Variants in WWTR1 observed in about 807,000 individuals in gnomAD.
WWTR1 encodes WW domain containing transcription regulator 1.
In WWTR1, 13 loss-of-function variants were observed where a neutral mutation model predicts 40.1. The observed-to-expected ratio is 0.32, with a 90% CI of 0.21 to 0.52. The LOEUF is 0.52. Among genes scored for constraint, WWTR1 ranks in the 20% least tolerant of loss-of-function variants. The pLI, the probability that WWTR1 is intolerant of heterozygous loss-of-function variation, is 0.97. For missense variants in WWTR1, 436 were observed against 523.1 expected (o/e 0.83, Z 1.63); for synonymous variants, 230 against 210.1 (o/e 1.09, Z -0.82).
intron 1 of WWTR1, among the ~76,000 whole-genome samples, chr3:149,676,624 T>A (rs1248726144): frequency 1.3e-5 from 2 of 152,148 alleles, no homozygotes; most frequent in East Asian, 1.9e-4. Flanking sequence ...AGATTTATGA[T>A]GAGAAAAACA....
intron 1 of WWTR1, among the ~76,000 whole-genome samples, chr3:149,687,771 A>G (rs1219870747): frequency 2.6e-5 from 4 of 152,116 alleles, no homozygotes; most frequent in African/African-American, 9.7e-5. Context: ...CAGCTCAGCC[A>G]TGGTAAAATA....
chr3:149,680,563 AAC>A lies in WWTR1; in HGVS notation c.-107-10674_-107-10673del, dbSNP rs1559839362. Among the ~76,000 whole-genome samples, 3 of 134,728 alleles carry A rather than the reference AAC, an allele frequency of 2.2e-5. No homozygotes were observed. The East Asian group carries it at 6.6e-4, about 30-fold the overall frequency. 88.4% of individuals were successfully genotyped at this position (134,728 alleles called of 152,430 possible). A position where few individuals can be genotyped will look rare whatever the true frequency, so the allele number is the denominator to read the frequency against. ...TGTCTCAAAAAAAACCAACCAACCA[AAC>A]AAACAAACAAACAAAAAAACGTATT... On this transcript the variant is annotated intron_variant, in intron 1 of 7. Coordinates refer to the WWTR1 transcript ENST00000465804.
At chr3:149,595,445 A>T (rs943228611) in intron 2 of WWTR1, among the ~76,000 whole-genome samples, 1 of 152,110 alleles carries the variant, frequency 6.6e-6, no homozygotes, top group African/African-American at 2.4e-5. Flanking sequence ...TCTTTTTTAG[A>T]GGCAACTATT....
chr3:149,716,336 C>T (rs1715607250), intron 5 of WWTR1, among the ~76,000 whole-genome samples: 1 of 150,396 alleles, frequency 6.6e-6, no homozygotes, highest in Admixed American at 6.6e-5. Context: ...GAGCCGAGAT[C>T]ACACCACTGC....
intron 1 of WWTR1, among the ~76,000 whole-genome samples, chr3:149,672,605 AT>A (rs1714128870): frequency 6.6e-6 from 1 of 152,090 alleles, no homozygotes; most frequent in Admixed American, 6.6e-5. Flanking sequence ...AAAAAGAAAC[AT>A]TTTATTAGAG....
chr3:149,572,482 G>T (rs1458010345), intron 3 of WWTR1, among the ~76,000 whole-genome samples: 2 of 152,100 alleles, frequency 1.3e-5, no homozygotes, highest in Non-Finnish European at 2.9e-5. Flanking sequence ...CAGAACTGTA[G>T]TTTAAAACTG....
intron 5 of WWTR1, 118 bp from the exon 6 acceptor site, chr3:149,526,243 G>C: frequency 3.5e-6 from 2 of 566,652 alleles, no homozygotes; most frequent in Non-Finnish European, 5.7e-6. Flanking sequence ...CAACTTTCCA[G>C]GTTAGGGAGG....
intron 2 of WWTR1, among the ~76,000 whole-genome samples, chr3:149,648,306 T>C (rs760982693): frequency 1.3e-5 from 2 of 152,118 alleles, no homozygotes; most frequent in Non-Finnish European, 2.9e-5. Context: ...AAATAAATAA[T>C]ACAGGATTCC....
intron 1 of WWTR1, among the ~76,000 whole-genome samples, chr3:149,698,627 G>A (rs1195371485): frequency 6.6e-6 from 1 of 152,176 alleles, no homozygotes; most frequent in Non-Finnish European, 1.5e-5. Context: ...TCTCTCTAGG[G>A]GCTCCACCCC....
intron 4 of WWTR1, among the ~76,000 whole-genome samples, chr3:149,532,983 G>A (rs530484230): frequency 6.6e-6 from 1 of 152,362 alleles, no homozygotes; most frequent in East Asian, 1.9e-4. Flanking sequence ...AGCATCGGTG[G>A]TGCAGCTGCC....
At chr3:149,712,392 T>A (rs748668523) in intron 5 of WWTR1, among the ~76,000 whole-genome samples, 38 of 152,262 alleles carry the variant, frequency 2.5e-4, no homozygotes, top group Non-Finnish European at 4.1e-4. Flanking sequence ...ACACAAAAAA[T>A]TATCATTTCT....
At chr3:149,539,074 T>C (rs1049427166) in intron 4 of WWTR1, among the ~76,000 whole-genome samples, 1 of 152,222 alleles carries the variant, frequency 6.6e-6, no homozygotes, top group Non-Finnish European at 1.5e-5. Flanking sequence ...TCGCATGATT[T>C]CAATGCCAAT....
At chr3:149,680,918 A>G (rs1275276224) in intron 1 of WWTR1, among the ~76,000 whole-genome samples, 4 of 152,238 alleles carry the variant, frequency 2.6e-5, no homozygotes, top group African/African-American at 9.6e-5. Context: ...ATATAAAACC[A>G]GTTACATACT....
chr3:149,686,188 T>C (rs528774823), intron 1 of WWTR1, among the ~76,000 whole-genome samples: 1 of 152,206 alleles, frequency 6.6e-6, no homozygotes, highest in Non-Finnish European at 1.5e-5. Context: ...ATGACATAAA[T>C]GACTCCAGTT....
chr3:149,664,523 T>C (rs1036751774), intron 2 of WWTR1, among the ~76,000 whole-genome samples: 1 of 152,130 alleles, frequency 6.6e-6, no homozygotes, highest in Non-Finnish European at 1.5e-5. Flanking sequence ...GTGTTCTTAA[T>C]AAATGCATCA....
At chr3:149,668,988 C>G (rs1036194612) in intron 2 of WWTR1, among the ~76,000 whole-genome samples, 1 of 152,192 alleles carries the variant, frequency 6.6e-6, no homozygotes, top group Non-Finnish European at 1.5e-5. Context: ...AAATGAGTAA[C>G]TTTACAGCCT....
intron 3 of WWTR1, among the ~76,000 whole-genome samples, chr3:149,572,643 C>G (rs1247747522): frequency 1.3e-5 from 2 of 151,770 alleles, no homozygotes; most frequent in South Asian, 2.1e-4. Context: ...ACTTATGAGC[C>G]CCGCCACCCC....
At chr3:149,535,017 A>G (rs1472112192) in intron 4 of WWTR1, among the ~76,000 whole-genome samples, 1 of 152,176 alleles carries the variant, frequency 6.6e-6, no homozygotes, top group African/African-American at 2.4e-5. Flanking sequence ...AGTAAACGGC[A>G]GCTGAAAGCA....
At chr3:149,530,883 G>C (rs367683093) in intron 4 of WWTR1, among the ~76,000 whole-genome samples, 2 of 151,534 alleles carry the variant, frequency 1.3e-5, no homozygotes, top group Non-Finnish European at 2.9e-5. Context: ...ACCTTCAACT[G>C]ACTAACAAAT....
Sources: allele counts gnomAD v4.1 joint callset (sites outside exome capture counted in the v4.1 genomes callset), GRCh38; gene constraint gnomAD v4.1.1; transcripts MANE v1.5; gene names NCBI Gene and HGNC (gene_info 2026-07-23, HGNC 2026-07-21).